The following SLC35F3 variants were observed in gnomAD, a reference collection of about 807,000 sequenced individuals.
The protein encoded by SLC35F3 is putative thiamine transporter SLC35F3.
A neutral mutation model predicts 49.9 loss-of-function variants in SLC35F3; 25 were observed. The observed-to-expected ratio is 0.50, with a 90% confidence interval of 0.37 to 0.70. SLC35F3 has a LOEUF of 0.70. Ranked by LOEUF, SLC35F3 falls within the 30% of genes least tolerant of loss-of-function variation. The pLI, the probability that SLC35F3 is intolerant of heterozygous loss-of-function variation, is 0.00. For missense variants in SLC35F3, 525 were observed against 639.8 expected, an observed-to-expected ratio of 0.82 and a Z score of 1.94; for synonymous variants, 275 against 265.4, an observed-to-expected ratio of 1.04 and a Z score of -0.35.
rs146181869 is a variant in SLC35F3, at chr1:234,236,297, C to G, written c.608+4556C>G. On this transcript the variant is annotated intron_variant, in intron 3 of 7. Transcript: ENST00000366618. The stretch of plus-strand genomic sequence containing the variant: ...CTCTACTAAAAATACTAAAAATTAG[C>G]CAGGCGTGATGGTGCACCTGTAGTC... Among the ~76,000 whole-genome samples the G allele has an allele frequency of 5.3e-5, 8 of 152,056 alleles. No individual in the cohort carries two copies. The East Asian group carries it at 1.5e-3, about 29-fold the overall frequency.
chr1:234,139,425 A>C (rs926597590), intron 2 of SLC35F3, among the ~76,000 whole-genome samples: 1 of 152,244 alleles, frequency 6.6e-6, no homozygotes, highest in Non-Finnish European at 1.5e-5. Context: ...AAAGATAGAC[A>C]CATTATACTT....
chr1:234,239,871 C>T (rs1049223888), intron 3 of SLC35F3, among the ~76,000 whole-genome samples: 2 of 152,168 alleles, frequency 1.3e-5, no homozygotes, highest in African/African-American at 2.4e-5. Flanking sequence ...TCAGCTCTTA[C>T]TTGAAAAAAA....
chr1:234,288,475 T>A (rs529484805), intron 3 of SLC35F3, among the ~76,000 whole-genome samples: 1 of 152,354 alleles, frequency 6.6e-6, no homozygotes, highest in African/African-American at 2.4e-5. Flanking sequence ...CCACTGTGAT[T>A]TGGTAAAAAA....
chr1:234,203,250 A>ATTTT (rs2102935667), intron 2 of SLC35F3, among the ~76,000 whole-genome samples: 1 of 152,382 alleles, frequency 6.6e-6, no homozygotes, highest in East Asian at 1.9e-4. Context: ...CAGACTTAAA[A>ATTTT]GAGTTTTACA....
At chr1:234,319,000 T>A (rs1657554815) in intron 6 of SLC35F3, 57 bp downstream of exon 6, 4 of 1,443,734 alleles carry the variant, frequency 2.8e-6, no homozygotes, top group Non-Finnish European at 2.9e-6. Context: ...CAGAGGACCC[T>A]CAGGAAACAT....
At chr1:234,291,125 C>A (rs1183577952) in intron 3 of SLC35F3, among the ~76,000 whole-genome samples, 2 of 152,210 alleles carry the variant, frequency 1.3e-5, no homozygotes, top group African/African-American at 2.4e-5. Context: ...TCGCCACCCC[C>A]CAAACCACCA....
intron 2 of SLC35F3, among the ~76,000 whole-genome samples, chr1:234,165,854 C>T (rs1666310934): frequency 6.6e-6 from 1 of 152,146 alleles, no homozygotes; most frequent in African/African-American, 2.4e-5. Flanking sequence ...ATCCCTCATC[C>T]TCCCTTCCTT....
rs1475703283 is a variant in SLC35F3 at position 234,108,778 on chromosome 1, ATATATAAAAGATATATATATT to A, written c.284-122632_284-122612del. Among the ~76,000 whole-genome samples the A allele has an allele frequency of 5.4e-5, 7 of 128,578 alleles. No individual in the cohort carries two copies. In the East Asian group the frequency reaches 1.6e-3, roughly 29 times the overall value. 84.4% of individuals were successfully genotyped at this position (128,578 alleles called of 152,430 possible). ...ATATATATAAATATATATATCTTTT[ATATATAAAAGATATATATATT>A]TATATATATATAAAAGATATATATA... On this transcript the variant is annotated intron_variant, in intron 2 of 7. Transcript: ENST00000366618.
intron 3 of SLC35F3, among the ~76,000 whole-genome samples, chr1:234,296,045 G>A (rs1347473995): frequency 6.6e-6 from 1 of 152,224 alleles, no homozygotes; most frequent in Non-Finnish European, 1.5e-5. Flanking sequence ...TGCTGATGTG[G>A]AAGTTGTGAA....
chr1:234,190,594 TG>T (rs1464623962), intron 2 of SLC35F3, among the ~76,000 whole-genome samples: 1 of 152,094 alleles, frequency 6.6e-6, no homozygotes, highest in Non-Finnish European at 1.5e-5. Flanking sequence ...ACATAAGAAA[TG>T]GGATAGCAAC....
chr1:233,992,148 T>C (rs4244361), intron 2 of SLC35F3, among the ~76,000 whole-genome samples: 110,344 of 152,014 alleles, frequency 0.73, 40,413 homozygotes, highest in African/African-American at 0.82. Context: ...TGTGAGAGGG[T>C]GGGATTGGTG....
At chr1:234,010,063 G>A (rs1440143195) in intron 2 of SLC35F3, among the ~76,000 whole-genome samples, 1 of 152,100 alleles carries the variant, frequency 6.6e-6, no homozygotes, top group Non-Finnish European at 1.5e-5. Context: ...GTAATATAAA[G>A]TCATATTCAA....
chr1:234,242,239 A>T (rs1192492415), intron 3 of SLC35F3, among the ~76,000 whole-genome samples: 2 of 152,252 alleles, frequency 1.3e-5, no homozygotes, highest in Non-Finnish European at 2.9e-5. Flanking sequence ...AGCATGAACC[A>T]GAACAGATGG....
chr1:233,992,518 C>A (rs1350570369), intron 2 of SLC35F3, among the ~76,000 whole-genome samples: 1 of 152,164 alleles, frequency 6.6e-6, no homozygotes, highest in African/African-American at 2.4e-5. Flanking sequence ...AGGAACTAAT[C>A]TGTTCCCATG....
In SLC35F3 at chr1:234,144,642, G is replaced by T. The variant is rs533891167; in HGVS notation, c.284-86775G>T. Among the ~76,000 whole-genome samples, 7 of 152,274 alleles carry T rather than the reference G, an allele frequency of 4.6e-5. No individual in the cohort carries two copies. In the South Asian group the frequency reaches 1.5e-3, roughly 32 times the overall value. ...TTGTAATTCTTGTAGCAGTTAAACAGATTTTTTTTCTTTCATGAGTTTCTG... is the reference window on the plus strand; with the variant it reads ...TTGTAATTCTTGTAGCAGTTAAACATATTTTTTTTCTTTCATGAGTTTCTG... On this transcript the variant is annotated intron_variant, in intron 2 of 7. Transcript: ENST00000366618.
Position 234,314,053 on chromosome 1 carries a change from G to T in SLC35F3, c.829-2549G>T, listed in dbSNP as rs142613486. Among the ~76,000 whole-genome samples the T allele has an allele frequency of 7.2e-5, 11 of 152,300 alleles. No individual in the cohort carries two copies. The East Asian group carries it at 2.1e-3, about 29-fold the overall frequency. ...TGGGTCCGGTCATAGCAGGGCTGCT[G>T]ATGTCCAGAGAGTGGAAGGCCCACA... On this transcript the variant is annotated intron_variant, in intron 4 of 7. Coordinates refer to ENST00000366618, the MANE Select transcript of SLC35F3 (RefSeq NM_173508.4).
At chr1:233,915,077 A>G (rs1179349262) in intron 2 of SLC35F3, among the ~76,000 whole-genome samples, 1 of 152,242 alleles carries the variant, frequency 6.6e-6, no homozygotes, top group African/African-American at 2.4e-5. Context: ...AAACAGAGAT[A>G]TTCAGTGCAA....
chr1:234,251,899 A>C (rs1286322895), intron 3 of SLC35F3, among the ~76,000 whole-genome samples: 1 of 152,038 alleles, frequency 6.6e-6, no homozygotes, highest in Non-Finnish European at 1.5e-5. Flanking sequence ...CCTAGAAAAA[A>C]AATAATTTGA....
chr1:234,296,806 C>G (rs1385744661), intron 3 of SLC35F3, among the ~76,000 whole-genome samples: 2 of 152,222 alleles, frequency 1.3e-5, no homozygotes, highest in Non-Finnish European at 2.9e-5. Flanking sequence ...GACATATATG[C>G]AGTCTGTGCT....
Sources: gnomAD v4.1 joint callset for allele counts (sites outside exome capture counted in the v4.1 genomes callset) on GRCh38, gnomAD v4.1.1 for gene constraint, MANE v1.5 for transcripts, NCBI Gene and HGNC (gene_info 2026-07-23, HGNC 2026-07-21) for gene names.